NOVA1: variants seen among roughly 807,000 people sequenced by gnomAD.
The protein encoded by NOVA1 is NOVA alternative splicing regulator 1, also known as RNA-binding protein Nova-1.
A neutral mutation model predicts 38.0 loss-of-function variants in NOVA1; 7 were observed. The ratio of observed to expected loss-of-function variants is 0.18; its 90% CI spans 0.10 to 0.35. NOVA1 has a LOEUF of 0.35. Among genes scored for constraint, NOVA1 ranks in the 10% least tolerant of loss-of-function variants. NOVA1 has a pLI of 1.00. For synonymous variants in NOVA1, 270 were observed against 232.5 expected (o/e 1.16, Z -1.47); for missense variants, 460 against 616.0 (o/e 0.75, Z 2.68).
At chr14:26,515,334 CA>C (rs1888385379) in intron 2 of NOVA1, among the ~76,000 whole-genome samples, 1 of 151,688 alleles carries the variant, frequency 6.6e-6, no homozygotes, top group African/African-American at 2.4e-5. Flanking sequence ...TTAAAATTTT[CA>C]AAAATGGGTT....
At chr14:26,515,874 G>A (rs1176349490) in intron 2 of NOVA1, among the ~76,000 whole-genome samples, 1 of 151,890 alleles carries the variant, frequency 6.6e-6, no homozygotes, top group Non-Finnish European at 1.5e-5. Context: ...ACTTACTGAG[G>A]TATGTATACA....
Position 26,597,513 on chromosome 14 carries a change from T to TC in NOVA1, c.-78_-77insG, listed in dbSNP as rs1412781599. 100 of 1,144,150 alleles carry TC rather than the reference T, an allele frequency of 8.7e-5. No individual in the cohort carries two copies. The highest frequency in any genetic ancestry group is 3.5e-4 in the Middle Eastern group (1 of 2,836). 70.9% of individuals were successfully genotyped at this position (1,144,150 alleles called of 1,614,324 possible). A position where few individuals can be genotyped will look rare whatever the true frequency, so the allele number is the denominator to read the frequency against. On this transcript the variant is annotated 5_prime_UTR_variant, in exon 1 of 5. Coordinates refer to ENST00000539517, the MANE Select transcript of NOVA1 (RefSeq NM_002515.3). The stretch of plus-strand genomic sequence containing the variant: ...GCTTTTTCTTTTCTTTTTTCTTTTT[T>TC]TTTTTTTTTTTTTTTTGCGTTTGGG...
At chr14:26,578,424 C>A (rs1892999706) in intron 2 of NOVA1, among the ~76,000 whole-genome samples, 1 of 151,338 alleles carries the variant, frequency 6.6e-6, no homozygotes, top group African/African-American at 2.4e-5. Flanking sequence ...AGGGCAAGAA[C>A]TTGATACTGC....
chr14:26,472,550 TTAAG>T (rs1406216295), intron 3 of NOVA1, among the ~76,000 whole-genome samples, 159 bp from the exon 4 acceptor site: 1 of 152,128 alleles, frequency 6.6e-6, no homozygotes, highest in Admixed American at 6.6e-5. Flanking sequence ...TTAACATCAA[TTAAG>T]TAACTAATGC....
intron 2 of NOVA1, among the ~76,000 whole-genome samples, chr14:26,542,629 CTTT>C (rs1890535166): frequency 6.6e-6 from 1 of 151,026 alleles, no homozygotes; most frequent in Admixed American, 6.6e-5. Flanking sequence ...ACAACCAACC[CTTT>C]TTATGACCAA....
rs76420826 is a variant in NOVA1, at chr14:26,578,936, T to C, written c.280+16474A>G. Among the ~76,000 whole-genome samples the C allele has an allele frequency of 2.2e-3, 342 of 152,112 alleles. 10 individuals carry two copies. The East Asian group carries it at 0.057, about 25-fold the overall frequency. On this transcript the variant is annotated intron_variant, in intron 2 of 4. Coordinates refer to ENST00000539517, the MANE Select transcript of NOVA1 (RefSeq NM_002515.3). ...TCATCATCTCTACAGATTTTAAAGA[T>C]GTAAGAATAAATCCATTACCATAAA...
chr14:26,596,555 T>C (rs1894204199), intron 1 of NOVA1: 3 of 1,289,122 alleles, frequency 2.3e-6, no homozygotes, highest in Non-Finnish European at 3.0e-6. Context: ...ACAATGCATA[T>C]GCTGGAGATA....
At chr14:26,524,219 T>C (rs1047736748) in intron 2 of NOVA1, among the ~76,000 whole-genome samples, 1 of 152,154 alleles carries the variant, frequency 6.6e-6, no homozygotes, top group Admixed American at 6.5e-5. Context: ...CTATAACAGT[T>C]TGATTAGCTA....
At chr14:26,480,321 C>T (rs539460527) in intron 2 of NOVA1, among the ~76,000 whole-genome samples, 178 bp from the exon 3 acceptor site, 15 of 152,170 alleles carry the variant, frequency 9.9e-5, no homozygotes, top group Admixed American at 3.9e-4. Flanking sequence ...TTATAAATTC[C>T]GTTCTAGTTG....
intron 2 of NOVA1, among the ~76,000 whole-genome samples, chr14:26,583,940 CAT>C (rs1245030242): frequency 4.6e-5 from 7 of 150,664 alleles, no homozygotes; most frequent in South Asian, 2.1e-4. Context: ...ATAAATCACT[CAT>C]GTTTATCCAA....
At chr14:26,470,496 T>C in intron 4 of NOVA1, 1 of 1,538,668 alleles carries the variant, frequency 6.5e-7, no homozygotes, top group South Asian at 1.1e-5. Flanking sequence ...TGCTTCTTTG[T>C]ACAAGAACAG....
intron 4 of NOVA1, among the ~76,000 whole-genome samples, chr14:26,458,128 G>C (rs1224077933): frequency 6.6e-6 from 1 of 151,960 alleles, no homozygotes; most frequent in Non-Finnish European, 1.5e-5. Flanking sequence ...TCCACAATGA[G>C]ATATCATCTG....
Position 26,472,339 on chromosome 14 carries a change from G to A in NOVA1, c.500C>T (p.Thr167Ile). The change falls in exon 4 of 5, where the codon ACC (threonine) becomes ATC (isoleucine). Residue 167 changes from threonine (T) to isoleucine (I), a missense_variant. Physicochemically the swap from Thr to Ile is moderately conservative, Grantham distance 89 (BLOSUM62 -1). Transcript: ENST00000539517. ...CTGTACCTGATTAGCTCTGGAGGTG[G>A]TCATGGGATCAGATGGAGAGGACTT... ...TTKSSPSDPM[T>I]TSRANQVKII... is the part of the protein sequence containing the mutation. The A allele has an allele frequency of 6.3e-7, 1 of 1,597,216 alleles. No homozygotes were observed. Among genetic ancestry groups the A allele is most frequent in the Non-Finnish European group, 8.6e-7 (1 of 1,168,842 alleles).
intron 4 of NOVA1, among the ~76,000 whole-genome samples, chr14:26,458,589 T>C (rs553305863): frequency 8.9e-4 from 135 of 152,104 alleles, no homozygotes; most frequent in Non-Finnish European, 1.6e-3. Context: ...TACTGCTTGT[T>C]CTCCCTTATG....
Position 26,597,511 on chromosome 14 carries a change from T to C in NOVA1, c.-75A>G, listed in dbSNP as rs75048051. 3.5e-5 allele frequency: 37 copies of C among 1,042,354 alleles called. No individual in the cohort carries two copies. Among genetic ancestry groups the C allele is most frequent in the Non-Finnish European group, 4.1e-5 (35 of 844,260 alleles). The allele number at this position is 1,042,354 out of a possible 1,614,324, so 64.6% of individuals were successfully genotyped here. A position where few individuals can be genotyped will look rare whatever the true frequency, so the allele number is the denominator to read the frequency against. On this transcript the variant is annotated 5_prime_UTR_variant, in exon 1 of 5. Coordinates refer to ENST00000539517, the MANE Select transcript of NOVA1 (RefSeq NM_002515.3). ...TGGCTTTTTCTTTTCTTTTTTCTTT[T>C]TTTTTTTTTTTTTTTTTTGCGTTTG...
In NOVA1 at chr14:26,447,567, T is replaced by C. The variant is rs1882176907; in HGVS notation, c.*392A>G. ...TGCTTTGGCCTCACTCCATTTTAGG[T>C]CACTGACCCCACCATACTCAACCTA... On this transcript the variant is annotated 3_prime_UTR_variant, in exon 5 of 5. Coordinates refer to ENST00000539517, the MANE Select transcript of NOVA1 (RefSeq NM_002515.3). 2 of 194,242 alleles carry C rather than the reference T, an allele frequency of 1.0e-5. No homozygotes were observed. Among genetic ancestry groups the C allele is most frequent in the Admixed American group, 1.1e-4 (2 of 18,938 alleles). 12.0% of individuals were successfully genotyped at this position (194,242 alleles called of 1,614,324 possible).
At chr14:26,542,330 A>C (rs1357553312) in intron 2 of NOVA1, among the ~76,000 whole-genome samples, 1 of 151,918 alleles carries the variant, frequency 6.6e-6, no homozygotes, top group Non-Finnish European at 1.5e-5. Flanking sequence ...TTCTCTACTT[A>C]AAATGCTTTT....
intron 2 of NOVA1, among the ~76,000 whole-genome samples, chr14:26,544,939 T>C (rs969832507): frequency 3.9e-5 from 6 of 152,172 alleles, no homozygotes; most frequent in Non-Finnish European, 4.4e-5. Flanking sequence ...AGAAGACCAA[T>C]TGTATGGCCA....
At chr14:26,523,747 G>GTT (rs1889075522) in intron 2 of NOVA1, among the ~76,000 whole-genome samples, 9 of 136,714 alleles carry the variant, frequency 6.6e-5, no homozygotes, top group African/African-American at 2.6e-4. Flanking sequence ...TCCACTTGAA[G>GTT]ATTTTTTTTT....
Sources: allele counts gnomAD v4.1 joint callset (sites outside exome capture counted in the v4.1 genomes callset), GRCh38; gene constraint gnomAD v4.1.1; transcripts MANE v1.5; gene names NCBI Gene and HGNC (gene_info 2026-07-23, HGNC 2026-07-21).